RNF123: variants seen among roughly 807,000 people sequenced by gnomAD.
The protein encoded by RNF123 is E3 ubiquitin-protein ligase RNF123.
Under a neutral mutation model 168.5 loss-of-function variants are expected in RNF123, and 86 were observed. That is an observed-to-expected ratio of 0.51 (90% confidence interval 0.43 to 0.61). RNF123 has a LOEUF of 0.61. Among genes scored for constraint, RNF123 ranks in the 20% least tolerant of loss-of-function variants. The pLI, the probability that RNF123 is intolerant of heterozygous loss-of-function variation, is 0.00. For synonymous variants in RNF123, 666 were observed against 689.1 expected, an observed-to-expected ratio of 0.97 and a Z score of 0.52; for missense variants, 1,419 against 1,729.7, an observed-to-expected ratio of 0.82 and a Z score of 3.19.
At chr3:49,697,270 G>T (rs973898023) in intron 4 of RNF123, 48 bp downstream of exon 4, 2 of 1,599,518 alleles carry the variant, frequency 1.3e-6, no homozygotes, top group South Asian at 2.2e-5. Flanking sequence ...GAGCTGGGAC[G>T]TAGCGGGCCT....
chr3:49,713,847 C>T (rs1238449308), intron 29 of RNF123, 22 bp downstream of exon 29: 2 of 1,612,766 alleles, frequency 1.2e-6, no homozygotes, highest in African/African-American at 1.3e-5. Context: ...CTGGGGGGCA[C>T]ACACCCTGGC....
chr3:49,717,741 G>C (rs972583175), intron 35 of RNF123: 16 of 628,672 alleles, frequency 2.5e-5, no homozygotes, highest in Non-Finnish European at 4.4e-5. Context: ...TTTGGGTCCT[G>C]TGCAGGGGCA....
chr3:49,720,209 G>T, intron 35 of RNF123: 1 of 208,772 alleles, frequency 4.8e-6, no homozygotes, highest in Admixed American at 5.7e-5. Context: ...CCAGCTACTC[G>T]GGAGGCTAAA....
intron 26 of RNF123, among the ~76,000 whole-genome samples, chr3:49,709,502 G>A (rs1306920303): frequency 5.3e-5 from 8 of 152,006 alleles, no homozygotes; most frequent in African/African-American, 1.2e-4. Flanking sequence ...GGGTTTCACC[G>A]TGTTAGCCAG....
chr3:49,692,640 G>A (rs2054191606), intron 3 of RNF123, among the ~76,000 whole-genome samples: 1 of 152,162 alleles, frequency 6.6e-6, no homozygotes, highest in Non-Finnish European at 1.5e-5. Flanking sequence ...ACCCTTCCAA[G>A]CCTCTGGTAA....
intron 35 of RNF123, chr3:49,719,245 T>C (rs1157946127): frequency 6.2e-6 from 10 of 1,613,052 alleles, no homozygotes; most frequent in Admixed American, 1.7e-5. Flanking sequence ...GCGCAGGCGC[T>C]GGAGCGCGTT....
rs1238140495 is a variant in RNF123 at position 49,719,394 on chromosome 3, C to G, written c.3501-1117C>G. ...TGTGGAGCGCACGGGGCGGGAAACC[C>G]TCGGAGTCCGGGGTGCCTAACCCAA... On this transcript the variant is annotated intron_variant, in intron 35 of 38. Transcript: ENST00000327697. 1.9e-6 allele frequency: 3 copies of G among 1,613,544 alleles called. No homozygotes were observed. The highest frequency in any genetic ancestry group is 2.7e-5 in the African/African-American group (2 of 74,938).
rs2108181612 is a variant in RNF123, at chr3:49,699,615, G to A, written c.879+33G>A. On this transcript the variant is annotated intron_variant, in intron 11 of 38. Coordinates refer to ENST00000327697, the MANE Select transcript of RNF123 (RefSeq NM_022064.5). This position sits in a 1 kb window ranked among gnomAD's most constrained non-coding sequence, Gnocchi z 4.8. ...GGGGTCTGGGCCAGGCGGGGTGGGG[G>A]GCTTCCACAGCCTCCTGCCCCTCAC... 1 of 1,612,332 alleles carries A rather than the reference G, an allele frequency of 6.2e-7. No individual in the cohort carries two copies. The highest frequency in any genetic ancestry group is 2.2e-5 in the East Asian group (1 of 44,870).
In RNF123 at chr3:49,699,402, G is replaced by A. The variant is rs2054330588; in HGVS notation, c.765-66G>A. The stretch of plus-strand genomic sequence containing the variant: ...GAGCCCAGGCCCCGGGGTGGGGGGT[G>A]GGCAGTGGAGAGGGAGTAGGCATGT... On this transcript the variant is annotated intron_variant, in intron 10 of 38. Transcript: ENST00000327697. The surrounding 1 kb of genome is among the most constrained non-coding windows in gnomAD (Gnocchi z 4.8). The A allele has an allele frequency of 1.5e-6, 2 of 1,353,836 alleles. No individual in the cohort carries two copies. Among genetic ancestry groups the A allele is most frequent in the Non-Finnish European group, 2.1e-6 (2 of 971,372 alleles). The allele number at this position is 1,353,836 out of a possible 1,614,324, so 83.9% of individuals were successfully genotyped here.
chr3:49,712,578 T>C lies in RNF123; in HGVS notation c.2596T>C (p.Tyr866His), dbSNP rs1415031930. 1 of 1,614,212 alleles carries C rather than the reference T, an allele frequency of 6.2e-7. No individual in the cohort carries two copies. The highest frequency in any genetic ancestry group is 1.7e-5 in the Admixed American group (1 of 60,022). Residue 866 changes from tyrosine (Y) to histidine (H), a missense_variant, in exon 27 of 39, where the codon TAC (tyrosine) becomes CAC (histidine). This residue lies in a region of RNF123 where 538 missense variants were observed against 708.8 expected (regional missense o/e 0.76). Transcript: ENST00000327697. The stretch of plus-strand genomic sequence containing the variant: ...TCTCTTTGCCTTCATGCCCGAGTTC[T>C]ACCTGAGCGTGGCCATCAACAGCTA... Reference protein sequence around the residue: ...GSLFAFMPEFYLSVAINSYSA... With the variant: ...GSLFAFMPEFHLSVAINSYSA...
chr3:49,714,280 C>T lies in RNF123; in HGVS notation c.3010+106C>T, dbSNP rs779281445. 638 of 1,020,324 alleles carry T rather than the reference C, an allele frequency of 6.3e-4. 1 individual carries two copies. The highest frequency in any genetic ancestry group is 9.0e-4 in the Non-Finnish European group (601 of 665,086). 63.2% of individuals were successfully genotyped at this position (1,020,324 alleles called of 1,614,324 possible). A position where few individuals can be genotyped will look rare whatever the true frequency, so the allele number is the denominator to read the frequency against. On this transcript the variant is annotated intron_variant, in intron 31 of 38. Coordinates refer to ENST00000327697, the MANE Select transcript of RNF123 (RefSeq NM_022064.5). ...CACTTCTTCCAGCCCCTCTCTGGTT[C>T]CCCCATTGGGTCCCAGACTCCCTAC...
intron 26 of RNF123, 151 bp downstream of exon 26, chr3:49,707,049 A>G (rs2054532984): frequency 1.5e-6 from 1 of 662,326 alleles, no homozygotes; most frequent in South Asian, 1.8e-5. Context: ...ACCCCATGCC[A>G]TGTCCCCTGT....
At position 49,720,895 on chromosome 3, in the gene RNF123, G is replaced by C. The variant is rs1393836674; in HGVS notation, c.3738+1G>C. 1 of 1,614,108 alleles carries C rather than the reference G, an allele frequency of 6.2e-7. No homozygotes were observed. The highest frequency in any genetic ancestry group is 2.2e-5 in the East Asian group (1 of 44,890). ...TGCCCAGGCAGCAGCTGCCTCCCTGGTGAGTGGGAACACGGTGCACAGGTC... is the reference window on the plus strand; with the variant it reads ...TGCCCAGGCAGCAGCTGCCTCCCTGCTGAGTGGGAACACGGTGCACAGGTC... On this transcript the variant is annotated splice_donor_variant, in intron 37 of 38. Coordinates refer to ENST00000327697, the MANE Select transcript of RNF123 (RefSeq NM_022064.5). LOFTEE classifies it high-confidence loss of function.
rs1294920646 is a variant in RNF123, at chr3:49,693,055, AT to A, written c.167+1557del. Among the ~76,000 whole-genome samples the A allele has an allele frequency of 6.6e-4, 98 of 147,690 alleles. 1 individual carries two copies. Among genetic ancestry groups the A allele is most frequent in the African/African-American group, 1.6e-3 (64 of 40,234 alleles). ...AGTTTAGTTTTTTTTTTTTTGAAAA[AT>A]TTTTTTTTTTGAGACGGAGTCTTGC... On this transcript the variant is annotated intron_variant, in intron 3 of 38. Transcript: ENST00000327697.
At position 49,715,467 on chromosome 3, in the gene RNF123, C is replaced by T. The variant is rs1370923989; in HGVS notation, c.3011-108C>T. The T allele has an allele frequency of 6.7e-6, 9 of 1,343,630 alleles. No homozygotes were observed. In the South Asian group the frequency reaches 1.1e-4, roughly 16 times the overall value. The allele number at this position is 1,343,630 out of a possible 1,614,324, so 83.2% of individuals were successfully genotyped here. On this transcript the variant is annotated intron_variant, in intron 31 of 38. Coordinates refer to ENST00000327697, the MANE Select transcript of RNF123 (RefSeq NM_022064.5). ...TCATGACCTGAGCATTCCTAGGGAG[C>T]CATCTTTCTGTCCTTATACCAAAGC...
intron 3 of RNF123, among the ~76,000 whole-genome samples, chr3:49,694,324 C>G (rs1220497412): frequency 6.6e-6 from 1 of 152,210 alleles, no homozygotes. Context: ...ACATGTCCCT[C>G]ACTTCCAAAA....
chr3:49,718,274 C>T (rs1457293957), intron 35 of RNF123: 2 of 1,612,738 alleles, frequency 1.2e-6, no homozygotes, highest in African/African-American at 1.3e-5. Flanking sequence ...TAGAGCAGCA[C>T]GAGCACAAGG....
At chr3:49,702,591 C>T (rs756604390) in intron 19 of RNF123, 42 bp from the exon 20 acceptor site, 2 of 1,614,056 alleles carry the variant, frequency 1.2e-6, no homozygotes, top group Non-Finnish European at 1.7e-6. Context: ...GGGCAAGGCA[C>T]TGGACTGGCA....
rs2054364158 is a variant in RNF123 at position 49,700,666 on chromosome 3, C to G, written c.1234C>G (p.Leu412Val). ...TTACCTGCGGCTCACTATCGCCATC[C>G]TGAGGCATGAGAAGTCCCGCAAGTT... Reference protein sequence around the residue: ...IHYLRLTIAILRHEKSRKFLL... With the variant: ...IHYLRLTIAIVRHEKSRKFLL... Residue 412 changes from leucine (L) to valine (V), a missense_variant, in exon 15 of 39, where the codon CTG becomes GTG. Coordinates refer to ENST00000327697, the MANE Select transcript of RNF123 (RefSeq NM_022064.5). The G allele has an allele frequency of 6.2e-7, 1 of 1,614,118 alleles. No individual in the cohort carries two copies.
Sources: gnomAD v4.1 joint callset for allele counts (sites outside exome capture counted in the v4.1 genomes callset) on GRCh38, gnomAD v4.1.1 for gene constraint, gnomAD v4.1.1 regional missense constraint, Gnocchi (gnomAD v3.1) non-coding constraint, MANE v1.5 for transcripts, NCBI Gene and HGNC (gene_info 2026-07-23, HGNC 2026-07-21) for gene names.